The following FOXN4 variants were observed in gnomAD, a reference collection of about 807,000 sequenced individuals.
The protein encoded by FOXN4 is forkhead box N4, also known as forkhead box protein N4.
Under a neutral mutation model 45.0 loss-of-function variants are expected in FOXN4, and 12 were observed. The ratio of observed to expected loss-of-function variants is 0.27; its 90% confidence interval spans 0.17 to 0.43. The LOEUF (loss-of-function observed/expected upper bound fraction) is 0.43, where lower values mean the gene tolerates loss of function less well. Among genes scored for constraint, FOXN4 ranks in the 20% least tolerant of loss-of-function variants. The pLI is 1.00. For synonymous variants in FOXN4, 297 were observed against 295.0 expected, an observed-to-expected ratio of 1.01 and a Z score of -0.07; for missense variants, 560 against 694.9, an observed-to-expected ratio of 0.81 and a Z score of 2.18.
chr12:109,292,483 C>T (rs552181858), intron 2 of FOXN4, among the ~76,000 whole-genome samples: 1 of 152,266 alleles, frequency 6.6e-6, no homozygotes, highest in African/African-American at 2.4e-5. Flanking sequence ...CTGGCTTAAC[C>T]TCTCTGAGCC....
intron 2 of FOXN4, among the ~76,000 whole-genome samples, chr12:109,304,929 C>T (rs1337381322): frequency 6.6e-6 from 1 of 152,234 alleles, no homozygotes; most frequent in Non-Finnish European, 1.5e-5. Context: ...TGCCTTGACC[C>T]ATTCGAAGTG....
chr12:109,288,031 C>T lies in FOXN4; in HGVS notation c.357+25G>A. The T allele has an allele frequency of 6.5e-7, 1 of 1,550,226 alleles. No individual in the cohort carries two copies. Among genetic ancestry groups the T allele is most frequent in the South Asian group, 1.2e-5 (1 of 84,006 alleles). Reference sequence around the variant, plus strand: ...CAGTCTGGAGGGCACTACCCGCCCTCCGCAGTCCATGCAGTGCCACTTACG... The same window carrying T: ...CAGTCTGGAGGGCACTACCCGCCCTTCGCAGTCCATGCAGTGCCACTTACG... On this transcript the variant is annotated intron_variant, in intron 4 of 9. Transcript: ENST00000299162. The surrounding 1 kb of genome is among the most constrained non-coding windows in gnomAD (Gnocchi z 4.3).
At chr12:109,282,751 A>T (rs2047665248) in intron 8 of FOXN4, among the ~76,000 whole-genome samples, 2 of 152,218 alleles carry the variant, frequency 1.3e-5, no homozygotes, top group Admixed American at 1.3e-4. Flanking sequence ...TTTTTGATTA[A>T]TGGCTATGTC....
intron 8 of FOXN4, among the ~76,000 whole-genome samples, chr12:109,284,958 G>C (rs2047691527): frequency 1.3e-5 from 2 of 151,330 alleles, no homozygotes; most frequent in Non-Finnish European, 2.9e-5. Flanking sequence ...CACCGGGATT[G>C]GCCATGCTCC....
Position 109,279,651 on chromosome 12 carries a change from G to T in FOXN4, c.*20C>A, listed in dbSNP as rs2047633302. ...GCCCAAGCCGGGTGCCGGGGTTCCA[G>T]GGCAGGTGAGGCTGACAGCTCAAAG... On this transcript the variant is annotated 3_prime_UTR_variant, in exon 10 of 10. Transcript: ENST00000299162. 4.5e-6 allele frequency: 7 copies of T among 1,565,766 alleles called. No individual in the cohort carries two copies. Among genetic ancestry groups the T allele is most frequent in the Non-Finnish European group, 6.1e-6 (7 of 1,155,202 alleles).
rs2047629476 is a variant in FOXN4, at chr12:109,279,170, A to G, written c.*501T>C. On this transcript the variant is annotated 3_prime_UTR_variant, in exon 10 of 10. Coordinates refer to ENST00000299162, the MANE Select transcript of FOXN4 (RefSeq NM_213596.3). ...GAGAGGCTCAAGCTTCTCCGGCTCC[A>G]TTTCCCGCCCTGGGCCTGTCCCCCG... 1 of 179,018 alleles carries G rather than the reference A, an allele frequency of 5.6e-6. No homozygotes were observed. Among genetic ancestry groups the G allele is most frequent in the South Asian group, 1.4e-4 (1 of 7,378 alleles). 11.1% of individuals were successfully genotyped at this position (179,018 alleles called of 1,614,324 possible).
At chr12:109,285,214 TG>T in intron 8 of FOXN4, 89 bp downstream of exon 8, 1 of 1,492,204 alleles carries the variant, frequency 6.7e-7, no homozygotes, top group Non-Finnish European at 9.1e-7. Flanking sequence ...GGCCATGCTC[TG>T]GTGGATGTCG....
chr12:109,304,283 GAAAGAAAGAA>G (rs1291686118), intron 2 of FOXN4, among the ~76,000 whole-genome samples: 2 of 55,850 alleles, frequency 3.6e-5, no homozygotes, highest in Non-Finnish European at 8.0e-5. Context: ...AAGAAAGAAA[GAAAGAAAGAA>G]AGGAGAAAGA....
Position 109,288,872 on chromosome 12 carries a change from T to C in FOXN4, c.233-692A>G, listed in dbSNP as rs1175539392. ...CCCTCTGGGTCCTTCAGCTCTCTTCTGAGTTCTGGCTGCCACTGTCCCTAG... is the reference window on the plus strand; with the variant it reads ...CCCTCTGGGTCCTTCAGCTCTCTTCCGAGTTCTGGCTGCCACTGTCCCTAG... On this transcript the variant is annotated intron_variant, in intron 3 of 9. Coordinates refer to ENST00000299162, the MANE Select transcript of FOXN4 (RefSeq NM_213596.3). This position sits in a 1 kb window ranked among gnomAD's most constrained non-coding sequence, Gnocchi z 4.3. Among the ~76,000 whole-genome samples the C allele has an allele frequency of 6.6e-6, 1 of 152,246 alleles. No individual in the cohort carries two copies. Among genetic ancestry groups the C allele is most frequent in the Non-Finnish European group, 1.5e-5 (1 of 68,036 alleles).
intron 2 of FOXN4, among the ~76,000 whole-genome samples, chr12:109,307,485 C>G (rs114512188): frequency 1.5e-3 from 232 of 152,238 alleles, no homozygotes; most frequent in African/African-American, 5.5e-3. Context: ...CTTGGACAAG[C>G]CCTTTCCCCT....
chr12:109,287,902 G>A lies in FOXN4; in HGVS notation c.410C>T (p.Pro137Leu), dbSNP rs11609341. 55,754 of 1,549,960 alleles carry A rather than the reference G, an allele frequency of 0.036. 1,187 individuals carry two copies. Among genetic ancestry groups the A allele is most frequent in the Non-Finnish European group, 0.042 (47,755 of 1,146,690 alleles). Reference sequence around the variant, plus strand: ...TTGGGTGGCAGGTGAGTACAGATGCGGCGGGTCCTGCAGGCCAGATGAGGG... The same window carrying A: ...TTGGGTGGCAGGTGAGTACAGATGCAGCGGGTCCTGCAGGCCAGATGAGGG... ...GQPSSGLQDPPHLYSPATQPQ... is the reference protein window; with the variant it reads ...GQPSSGLQDPLHLYSPATQPQ... The change falls in exon 5 of 10, where the codon CCG (proline) becomes CTG (leucine). Residue 137 changes from proline to leucine, a missense_variant. Transcript: ENST00000299162. The surrounding 1 kb of genome is among the most constrained non-coding windows in gnomAD (Gnocchi z 4.1).
chr12:109,308,909 TAA>T (rs1286062643), intron 1 of FOXN4, among the ~76,000 whole-genome samples: 1 of 152,204 alleles, frequency 6.6e-6, no homozygotes, highest in Non-Finnish European at 1.5e-5. Context: ...TTGAGTTCCC[TAA>T]GTTTCTCAAA....
rs765405105 is a variant in FOXN4, at chr12:109,286,679, C to T, written c.662G>A (p.Ser221Asn). 1 of 1,609,878 alleles carries T rather than the reference C, an allele frequency of 6.2e-7. No homozygotes were observed. Among genetic ancestry groups the T allele is most frequent in the Non-Finnish European group, 8.5e-7 (1 of 1,179,520 alleles). Residue 221 changes from serine (S) to asparagine (N), a missense_variant, in exon 7 of 10, where the codon AGC (serine) becomes AAC (asparagine). By Grantham distance (46) the Ser-to-Asn change is conservative. This residue lies in a region of FOXN4 where 39 missense variants were observed against 81.7 expected (regional missense o/e 0.48). Transcript: ENST00000299162. ...GTAGGGGAAGTGCTCCTTCATGAAG[C>T]TGTAGATCTCGCTCACAGGCAGGCT... is the stretch of plus-strand genomic sequence containing the variant. ...TGSLPVSEIY[S>N]FMKEHFPYFK... is the part of the protein sequence containing the mutation.
At chr12:109,308,398 C>A in intron 1 of FOXN4, 74 bp from the exon 2 acceptor site, 1 of 1,016,658 alleles carries the variant, frequency 9.8e-7, no homozygotes, top group Non-Finnish European at 1.4e-6. Context: ...CACAGTTTTC[C>A]CGCAATTCAG....
At chr12:109,303,624 G>C (rs573551665) in intron 2 of FOXN4, among the ~76,000 whole-genome samples, 6 of 152,276 alleles carry the variant, frequency 3.9e-5, no homozygotes, top group Admixed American at 1.3e-4. Context: ...CATCCAGCAC[G>C]AGGATCCAGA....
chr12:109,293,625 G>C (rs935301195), intron 2 of FOXN4, among the ~76,000 whole-genome samples: 1 of 152,244 alleles, frequency 6.6e-6, no homozygotes, highest in Admixed American at 6.5e-5. Context: ...AGCCTCCTGA[G>C]TAGCTGGAAG....
chr12:109,281,212 C>T (rs772369533), intron 9 of FOXN4, among the ~76,000 whole-genome samples, 195 bp downstream of exon 9: 3 of 152,172 alleles, frequency 2.0e-5, no homozygotes, highest in Non-Finnish European at 2.9e-5. Context: ...AGTGTCTTGT[C>T]GGAGCTCAAA....
chr12:109,296,350 C>T (rs1021054246), intron 2 of FOXN4, among the ~76,000 whole-genome samples: 2 of 152,342 alleles, frequency 1.3e-5, no homozygotes, highest in African/African-American at 2.4e-5. Flanking sequence ...CTAAAGGTCC[C>T]GGCTGGGGCC....
rs756539431 is a variant in FOXN4, at chr12:109,306,716, A to C, written c.86+1520T>G. On this transcript the variant is annotated intron_variant, in intron 2 of 9. Coordinates refer to ENST00000299162, the MANE Select transcript of FOXN4 (RefSeq NM_213596.3). ...AGCCAAAAATGATTACTAAATTGTCATAACAACTCCATGCAGTGGGTATTA... is the reference window on the plus strand; with the variant it reads ...AGCCAAAAATGATTACTAAATTGTCCTAACAACTCCATGCAGTGGGTATTA... 6.6e-4 allele frequency among the ~76,000 whole-genome samples: 100 copies of C among 152,278 alleles called. 1 individual carries two copies. The highest frequency in any genetic ancestry group is 2.6e-4 in the Non-Finnish European group (18 of 68,050).
Sources: gnomAD v4.1 joint callset for allele counts (sites outside exome capture counted in the v4.1 genomes callset) on GRCh38, gnomAD v4.1.1 for gene constraint, gnomAD v4.1.1 regional missense constraint, Gnocchi (gnomAD v3.1) non-coding constraint, MANE v1.5 for transcripts, NCBI Gene and HGNC (gene_info 2026-07-23, HGNC 2026-07-21) for gene names.